AAMP: variants seen among roughly 807,000 people sequenced by gnomAD.
The protein encoded by AAMP is angio-associated migratory cell protein.
Under a neutral mutation model 51.1 loss-of-function variants are expected in AAMP, and 12 were observed. The observed-to-expected ratio is 0.23, with a 90% CI of 0.15 to 0.38. The LOEUF (loss-of-function observed/expected upper bound fraction) is 0.38. Ranked by LOEUF, AAMP falls within the 10% of genes least tolerant of loss-of-function variation. The pLI is 1.00. For missense variants in AAMP, 418 were observed against 557.2 expected, an observed-to-expected ratio of 0.75 and a Z score of 2.52; for synonymous variants, 210 against 218.7, an observed-to-expected ratio of 0.96 and a Z score of 0.35.
rs573911147 is a variant in AAMP at position 218,265,811 on chromosome 2, C to T, written c.879+20G>A. The T allele has an allele frequency of 3.0e-5, 48 of 1,603,028 alleles. No homozygotes were observed. Among genetic ancestry groups the T allele is most frequent in the Non-Finnish European group, 3.7e-5 (43 of 1,172,100 alleles). Reference sequence around the variant, plus strand: ...GAGTCGGGAAAGCGGAGGCCCCAGCCGGGCTCCAGGTCCACTCACCTTGCC... The same window carrying T: ...GAGTCGGGAAAGCGGAGGCCCCAGCTGGGCTCCAGGTCCACTCACCTTGCC... On this transcript the variant is annotated intron_variant, in intron 7 of 10. Coordinates refer to ENST00000248450, the MANE Select transcript of AAMP (RefSeq NM_001087.5). This position sits in a 1 kb window ranked among gnomAD's most constrained non-coding sequence, Gnocchi z 6.6.
rs1272922727 is a variant in AAMP at position 218,265,156 on chromosome 2, G to A, written c.1093C>T (p.Leu365=). 3 of 1,592,416 alleles carry A rather than the reference G, an allele frequency of 1.9e-6. No individual in the cohort carries two copies. The highest frequency in any genetic ancestry group is 1.1e-5 in the South Asian group (1 of 87,560). Residue 365 remains leucine (L), a synonymous_variant, in exon 10 of 11, where the codon CTG becomes TTG. Coordinates refer to ENST00000248450, the MANE Select transcript of AAMP (RefSeq NM_001087.5). This position sits in a 1 kb window ranked among gnomAD's most constrained non-coding sequence, Gnocchi z 6.6. The part of the protein sequence containing the change: ...CQHQSGIVQL[L]WEAGTAVVYT... ...ACCACGGCAGTGCCTGCCTCCCACA[G>A]CAGCTGCACGATGCCCGACTGCCCC... is the stretch of plus-strand genomic sequence containing the variant.
In AAMP at chr2:218,267,264, C is replaced by T. The variant is rs1461366164; in HGVS notation, c.394+230G>A. The T allele has an allele frequency of 1.4e-6, 1 of 690,114 alleles. No homozygotes were observed. The highest frequency in any genetic ancestry group is 2.4e-6 in the Non-Finnish European group (1 of 416,942). 42.7% of individuals were successfully genotyped at this position (690,114 alleles called of 1,614,324 possible). ...ACACCTCTGCCCGCCTGCTCCTATACCAATGTGGCCTTCTCTGGCCTTTCC... is the reference window on the plus strand; with the variant it reads ...ACACCTCTGCCCGCCTGCTCCTATATCAATGTGGCCTTCTCTGGCCTTTCC... On this transcript the variant is annotated intron_variant, in intron 3 of 10. Coordinates refer to ENST00000248450, the MANE Select transcript of AAMP (RefSeq NM_001087.5). This position sits in a 1 kb window ranked among gnomAD's most constrained non-coding sequence, Gnocchi z 4.6.
rs371008027 is a variant in AAMP at position 218,269,941 on chromosome 2, T to A, written c.121+25A>T. The A allele has an allele frequency of 5.0e-4, 811 of 1,613,918 alleles. 6 individuals are homozygous for A. In the South Asian group the frequency reaches 8.3e-3, roughly 17 times the overall value. The stretch of plus-strand genomic sequence containing the variant: ...CCAGGGGTGAGCGTCTCCTGTCCCA[T>A]GGCCTGAGGAGCGGCAGTTCTCACC... On this transcript the variant is annotated intron_variant, in intron 1 of 10. Transcript: ENST00000248450.
In AAMP at chr2:218,266,338, C is replaced by A; in HGVS notation, c.679+105G>T. The A allele has an allele frequency of 6.7e-7, 1 of 1,502,746 alleles. No homozygotes were observed. Among genetic ancestry groups the A allele is most frequent in the South Asian group, 1.2e-5 (1 of 80,318 alleles). 93.1% of individuals were successfully genotyped at this position (1,502,746 alleles called of 1,614,324 possible). ...GGAGGTCAGCACTGCAAACAGCAGGCCTCAGATTTTGCCGGCTGTGACCCA... is the reference window on the plus strand; with the variant it reads ...GGAGGTCAGCACTGCAAACAGCAGGACTCAGATTTTGCCGGCTGTGACCCA... On this transcript the variant is annotated intron_variant, in intron 5 of 10. Coordinates refer to ENST00000248450, the MANE Select transcript of AAMP (RefSeq NM_001087.5). This position sits in a 1 kb window ranked among gnomAD's most constrained non-coding sequence, Gnocchi z 4.7.
At position 218,267,119 on chromosome 2, in the gene AAMP, T is replaced by C; in HGVS notation, c.395-133A>G. ...GAGGGGCGGGACTGAGCAGAACAGGTGCTGGAACTCACCACCACTCTAGGA... is the reference window on the plus strand; with the variant it reads ...GAGGGGCGGGACTGAGCAGAACAGGCGCTGGAACTCACCACCACTCTAGGA... On this transcript the variant is annotated intron_variant, in intron 3 of 10. Coordinates refer to ENST00000248450, the MANE Select transcript of AAMP (RefSeq NM_001087.5). This position sits in a 1 kb window ranked among gnomAD's most constrained non-coding sequence, Gnocchi z 4.6. 9.6e-7 allele frequency: 1 copy of C among 1,038,298 alleles called. No individual in the cohort carries two copies. Among genetic ancestry groups the C allele is most frequent in the Non-Finnish European group, 1.4e-6 (1 of 720,170 alleles). The allele number at this position is 1,038,298 out of a possible 1,614,324, so 64.3% of individuals were successfully genotyped here. A position where few individuals can be genotyped will look rare whatever the true frequency, so the allele number is the denominator to read the frequency against.
chr2:218,266,187 C>T lies in AAMP; in HGVS notation c.680-40G>A, dbSNP rs1489211034. The T allele has an allele frequency of 3.2e-6, 5 of 1,560,184 alleles. No homozygotes were observed. Among genetic ancestry groups the T allele is most frequent in the Non-Finnish European group, 4.4e-6 (5 of 1,131,394 alleles). ...AGATGAAGAGAGGGCAGAGGGCACG[C>T]TCACATACACTAAGCAAGGGAATGG... On this transcript the variant is annotated intron_variant, in intron 5 of 10. Transcript: ENST00000248450. The surrounding 1 kb of genome is among the most constrained non-coding windows in gnomAD (Gnocchi z 4.7).
In AAMP at chr2:218,265,253, G is replaced by A. The variant is rs951765150; in HGVS notation, c.1075-79C>T. The stretch of plus-strand genomic sequence containing the variant: ...CATCTGCTCCCAATTCTCAAAGAGG[G>A]ACAGCCACACACAAGGGCCAGGCAG... On this transcript the variant is annotated intron_variant, in intron 9 of 10. Coordinates refer to ENST00000248450, the MANE Select transcript of AAMP (RefSeq NM_001087.5). This position sits in a 1 kb window ranked among gnomAD's most constrained non-coding sequence, Gnocchi z 6.6. The A allele has an allele frequency of 2.6e-6, 4 of 1,559,024 alleles. No individual in the cohort carries two copies. Among genetic ancestry groups the A allele is most frequent in the East Asian group, 2.3e-5 (1 of 43,654 alleles).
chr2:218,269,609 G>A (rs752160968), intron 1 of AAMP, 75 bp from the exon 2 acceptor site: 30 of 1,610,190 alleles, frequency 1.9e-5, no homozygotes, highest in Non-Finnish European at 2.5e-5. Flanking sequence ...GAGGAGGCCT[G>A]AGGCTGGGGC....
Position 218,265,464 on chromosome 2 carries a change from G to A in AAMP, c.984-3C>T. On this transcript the variant is annotated splice_polypyrimidine_tract_variant and splice_region_variant and intron_variant, in intron 8 of 10. Coordinates refer to ENST00000248450, the MANE Select transcript of AAMP (RefSeq NM_001087.5). This position sits in a 1 kb window ranked among gnomAD's most constrained non-coding sequence, Gnocchi z 6.6. The stretch of plus-strand genomic sequence containing the variant: ...AGCCAACAGCTGCCAGGGGCATCCT[G>A]GCCAGAGGAGCGTACCATGAAGACT... 6.4e-7 allele frequency: 1 copy of A among 1,572,894 alleles called. No individual in the cohort carries two copies. Among genetic ancestry groups the A allele is most frequent in the Non-Finnish European group, 8.6e-7 (1 of 1,156,728 alleles).
chr2:218,266,730 T>A lies in AAMP; in HGVS notation c.534+117A>T. The A allele has an allele frequency of 6.4e-7, 1 of 1,558,690 alleles. No individual in the cohort carries two copies. The highest frequency in any genetic ancestry group is 2.3e-4 in the Middle Eastern group (1 of 4,334). ...AGCAGGTAGATATTCTTCCTGTGCC[T>A]TGGGGCGCATTGGCTCAGAGCTGGC... On this transcript the variant is annotated intron_variant, in intron 4 of 10. Transcript: ENST00000248450. The surrounding 1 kb of genome is among the most constrained non-coding windows in gnomAD (Gnocchi z 4.7).
rs756580269 is a variant in AAMP at position 218,264,503 on chromosome 2, C to T, written c.*30G>A. The T allele has an allele frequency of 5.6e-6, 9 of 1,608,572 alleles. No individual in the cohort carries two copies. In the South Asian group the frequency reaches 7.7e-5, roughly 14 times the overall value. ...GGCAGGGGTCCCTTCGTCCCCTCAA[C>T]ACCAGACACACAGGCAGGGGCTGCA... is the stretch of plus-strand genomic sequence containing the variant. On this transcript the variant is annotated 3_prime_UTR_variant, in exon 11 of 11. Transcript: ENST00000248450.
Sources: allele counts gnomAD v4.1 joint callset, GRCh38; gene constraint gnomAD v4.1.1; non-coding constraint Gnocchi (gnomAD v3.1); transcripts MANE v1.5; gene names NCBI Gene and HGNC (gene_info 2026-07-23, HGNC 2026-07-21).